Variants in RARB observed in about 807,000 individuals in gnomAD.
RARB encodes HBV-activated protein.
A neutral mutation model predicts 51.9 loss-of-function variants in RARB; 17 were observed. The ratio of observed to expected loss-of-function variants is 0.33; its 90% confidence interval spans 0.22 to 0.49. The LOEUF is 0.49. Ranked by LOEUF, RARB falls within the 20% of genes least tolerant of loss-of-function variation. The probability of loss-of-function intolerance (pLI) is 0.99; values close to 1 mark genes in which losing one functional copy is unlikely to be tolerated. For synonymous variants in RARB, 215 were observed against 195.4 expected (o/e 1.10, Z -0.84); for missense variants, 369 against 550.8 (o/e 0.67, Z 3.30).
intron 5 of RARB, among the ~76,000 whole-genome samples, chr3:25,307,112 C>A (rs528672196): frequency 6.6e-6 from 1 of 152,104 alleles, no homozygotes; most frequent in Non-Finnish European, 1.5e-5. Flanking sequence ...AGATCAGGTG[C>A]GATGGCTCAT....
intron 2 of RARB, among the ~76,000 whole-genome samples, chr3:25,463,708 C>G (rs932433942): frequency 6.6e-6 from 1 of 151,978 alleles, no homozygotes; most frequent in Non-Finnish European, 1.5e-5. Context: ...CACTCAGCCC[C>G]TCAAAGTAAT....
At chr3:25,423,533 A>T (rs1441516356), upstream of RARB, among the ~76,000 whole-genome samples, 1 of 152,224 alleles carries the variant, frequency 6.6e-6, no homozygotes, top group Non-Finnish European at 1.5e-5. Flanking sequence ...ATCCCAAAAA[A>T]ATATACAGAT....
chr3:25,327,829 G>C (rs1704770628), intron 5 of RARB, among the ~76,000 whole-genome samples: 1 of 152,172 alleles, frequency 6.6e-6, no homozygotes, highest in African/African-American at 2.4e-5. Context: ...TGGTCTATTT[G>C]ACTATAGGCA....
intron 2 of RARB, among the ~76,000 whole-genome samples, chr3:25,033,324 A>G (rs186693575): frequency 1.6e-3 from 244 of 152,336 alleles, no homozygotes; most frequent in African/African-American, 5.7e-3. Flanking sequence ...TGTATTAGTC[A>G]AGGTCTCAGA....
intron 3 of RARB, among the ~76,000 whole-genome samples, chr3:25,562,757 A>C (rs984950958): frequency 6.6e-6 from 1 of 152,208 alleles, no homozygotes; most frequent in African/African-American, 2.4e-5. Context: ...CTTGTCTGAA[A>C]ATGAATGCGA....
At chr3:25,442,283 G>A (rs566531481) in intron 1 of RARB, among the ~76,000 whole-genome samples, 48 of 152,012 alleles carry the variant, frequency 3.2e-4, no homozygotes, top group South Asian at 6.2e-4. Context: ...TTACAGGAGC[G>A]CGCTACCACG....
chr3:25,139,451 G>A (rs1015413008), intron 4 of RARB, among the ~76,000 whole-genome samples: 1 of 152,132 alleles, frequency 6.6e-6, no homozygotes, highest in Non-Finnish European at 1.5e-5. Context: ...GATCAAACCA[G>A]TCACAACATT....
At chr3:25,312,038 A>T (rs1559353351) in intron 5 of RARB, among the ~76,000 whole-genome samples, 1 of 152,238 alleles carries the variant, frequency 6.6e-6, no homozygotes, top group Non-Finnish European at 1.5e-5. Flanking sequence ...TATGTTCAAA[A>T]TATGGGTTCT....
intron 5 of RARB, among the ~76,000 whole-genome samples, chr3:25,326,534 A>T (rs150785963): frequency 6.6e-6 from 1 of 152,322 alleles, no homozygotes; most frequent in East Asian, 1.9e-4. Flanking sequence ...AATATGGTTG[A>T]CAGGCTATGG....
At chr3:24,955,239 C>T (rs1244572972) in intron 2 of RARB, among the ~76,000 whole-genome samples, 1 of 152,206 alleles carries the variant, frequency 6.6e-6, no homozygotes, top group East Asian at 1.9e-4. Flanking sequence ...CCAGGCTCCT[C>T]TCTGAAGTCA....
chr3:25,182,403 G>A (rs1347154418), intron 5 of RARB, among the ~76,000 whole-genome samples: 4 of 152,184 alleles, frequency 2.6e-5, no homozygotes, highest in Non-Finnish European at 5.9e-5. Flanking sequence ...CCCAGGGAAA[G>A]CAGGAAAGTT....
In RARB at chr3:25,581,077, G is replaced by A. The variant is rs1490910843; in HGVS notation, c.786+355G>A. 2.0e-5 allele frequency among the ~76,000 whole-genome samples: 3 copies of A among 152,226 alleles called. No individual in the cohort carries two copies. The East Asian group carries it at 5.8e-4, about 29-fold the overall frequency. On this transcript the variant is annotated intron_variant, in intron 5 of 7. Coordinates refer to ENST00000330688, the MANE Select transcript of RARB (RefSeq NM_000965.5). The stretch of plus-strand genomic sequence containing the variant: ...ACCCCTGGCACCTGTAAGTTACTGA[G>A]TAATCATTGCCACTCTTCCTCAGGT...
At chr3:25,596,179 A>G (rs1701819122) in intron 7 of RARB, among the ~76,000 whole-genome samples, 1 of 152,232 alleles carries the variant, frequency 6.6e-6, no homozygotes, top group African/African-American at 2.4e-5. Flanking sequence ...ATAAACTAAC[A>G]CATGATTTTT....
intron 5 of RARB, among the ~76,000 whole-genome samples, chr3:25,291,567 T>C (rs1703789036): frequency 6.7e-6 from 1 of 148,628 alleles, no homozygotes; most frequent in Non-Finnish European, 1.5e-5. Flanking sequence ...GAAAAACCTC[T>C]GAGATTGTTA....
chr3:25,369,656 C>G (rs957470801), intron 5 of RARB, among the ~76,000 whole-genome samples: 17 of 152,198 alleles, frequency 1.1e-4, no homozygotes, highest in Admixed American at 5.2e-4. Flanking sequence ...GGCGCGGTGG[C>G]TCACGCCTGT....
At chr3:25,092,875 T>G (rs948064182) in intron 3 of RARB, among the ~76,000 whole-genome samples, 2 of 152,130 alleles carry the variant, frequency 1.3e-5, no homozygotes, top group Admixed American at 6.6e-5. Context: ...TCATGTTCAT[T>G]TAGGAGGTAG....
intron 2 of RARB, among the ~76,000 whole-genome samples, chr3:25,018,310 G>A (rs984666547): frequency 1.3e-5 from 2 of 152,112 alleles, no homozygotes; most frequent in African/African-American, 4.8e-5. Context: ...TGTTTTGTGT[G>A]TTAATTCTCT....
chr3:25,258,706 G>A (rs901320695), intron 5 of RARB, among the ~76,000 whole-genome samples: 22 of 152,114 alleles, frequency 1.4e-4, no homozygotes, highest in Non-Finnish European at 2.2e-4. Flanking sequence ...TCTAAGATGA[G>A]CAGCTGCATC....
intron 5 of RARB, among the ~76,000 whole-genome samples, chr3:25,301,941 A>T (rs1023382646): frequency 6.6e-6 from 1 of 152,220 alleles, no homozygotes; most frequent in African/African-American, 2.4e-5. Context: ...CTAGCAGGAG[A>T]AAAGGACAGT....
Sources: gnomAD v4.1 joint callset for allele counts (sites outside exome capture counted in the v4.1 genomes callset) on GRCh38, gnomAD v4.1.1 for gene constraint, MANE v1.5 for transcripts, NCBI Gene and HGNC (gene_info 2026-07-23, HGNC 2026-07-21) for gene names.